FAAH2: variants seen among roughly 807,000 people sequenced by gnomAD.
FAAH2 encodes fatty acid amide hydrolase 2, also known as fatty-acid amide hydrolase 2.
A neutral mutation model predicts 36.9 loss-of-function variants in FAAH2; 60 were observed. The ratio of observed to expected loss-of-function variants is 1.63; its 90% CI spans 1.32 to 2.02. The LOEUF (loss-of-function observed/expected upper bound fraction) is 2.02, where lower values mean the gene tolerates loss of function less well. Among genes scored for constraint, FAAH2 ranks in the 30% most tolerant of loss-of-function variants. The pLI is 0.00. For missense variants in FAAH2, 689 were observed against 397.5 expected, an observed-to-expected ratio of 1.73 and a Z score of -6.23; for synonymous variants, 214 against 143.8, an observed-to-expected ratio of 1.49 and a Z score of -3.49.
chrX:57,424,137 G>C (rs140830285), intron 7 of FAAH2, among the ~76,000 whole-genome samples: 1 of 111,935 alleles, frequency 8.9e-6, no homozygotes, highest in Non-Finnish European at 1.9e-5. Context: ...ACCACACTGA[G>C]GCTATTTATG....
At chrX:57,225,564 G>A in the FAAH2 span, among the ~76,000 whole-genome samples, 1 of 111,511 alleles carries the variant, frequency 9.0e-6, no homozygotes, top group Non-Finnish European at 1.9e-5. Context: ...CCTATCATAT[G>A]GTCTATCTTG....
chrX:57,393,468 C>T, intron 7 of FAAH2: 1 of 930,742 alleles, frequency 1.1e-6, no homozygotes, highest in South Asian at 2.0e-5. Context: ...CCTTCTGGGC[C>T]AACAAGCTAG....
chrX:57,290,903 A>G (rs890890247), intron 1 of FAAH2, among the ~76,000 whole-genome samples: 1 of 111,848 alleles, frequency 8.9e-6, no homozygotes, highest in Non-Finnish European at 1.9e-5. Flanking sequence ...CATTGGTTAT[A>G]TGGAAGAATG....
At chrX:57,428,886 G>A (rs1455686866) in intron 7 of FAAH2, among the ~76,000 whole-genome samples, 2 of 111,372 alleles carry the variant, frequency 1.8e-5, no homozygotes, top group African/African-American at 3.3e-5. Context: ...TAGACAAATG[G>A]GACTTAAACT....
At chrX:57,202,677 G>A in the FAAH2 span, among the ~76,000 whole-genome samples, 1 of 111,769 alleles carries the variant, frequency 8.9e-6, no homozygotes, top group African/African-American at 3.3e-5. Flanking sequence ...AGGCTCTACA[G>A]TCATCAGGTG....
chrX:57,437,995 A>G (rs907109393), intron 8 of FAAH2, among the ~76,000 whole-genome samples: 2 of 104,496 alleles, frequency 1.9e-5, no homozygotes, highest in Admixed American at 1.1e-4. Context: ...GTACATATAT[A>G]CATACGTATA....
the FAAH2 span, among the ~76,000 whole-genome samples, chrX:57,253,562 G>A: frequency 8.9e-6 from 1 of 111,952 alleles, no homozygotes; most frequent in Non-Finnish European, 1.9e-5. Flanking sequence ...CAAACGAACA[G>A]TGGATCTCTT....
chrX:57,382,246 TAA>T (rs1453769560), intron 7 of FAAH2, among the ~76,000 whole-genome samples: 2 of 111,448 alleles, frequency 1.8e-5, no homozygotes, highest in Non-Finnish European at 3.8e-5. Flanking sequence ...ATTGGCACTC[TAA>T]CATCACAATT....
At position 57,431,771 on chromosome X, in the gene FAAH2, G is replaced by GTTTTTTT. The variant is rs1218617071; in HGVS notation, c.997-146_997-140dup. 5 of 202,027 alleles carry GTTTTTTT rather than the reference G, an allele frequency of 2.5e-5. No individual in the cohort carries two copies. The African/African-American group carries it at 2.5e-4, about 10-fold the overall frequency. The allele number at this position is 202,027 out of a possible 1,213,427, so 16.6% of individuals were successfully genotyped here. Reference sequence around the variant, plus strand: ...TGTTTTGTTTTGTTTTTGTTTTTTTGTTTTTTTGTTTTTTTGTTTTTTTTG... The same window carrying GTTTTTTT: ...TGTTTTGTTTTGTTTTTGTTTTTTTGTTTTTTTTTTTTTTGTTTTTTTGTTTTTTTTG... On this transcript the variant is annotated intron_variant, in intron 7 of 10. Transcript: ENST00000374900.
chrX:57,337,917 GA>G (rs2053594334), intron 4 of FAAH2, among the ~76,000 whole-genome samples: 1 of 111,664 alleles, frequency 9.0e-6, no homozygotes, highest in African/African-American at 3.3e-5. Context: ...AATTAGGCAA[GA>G]AAAAGAAATA....
At chrX:57,213,745 C>T in the FAAH2 span, among the ~76,000 whole-genome samples, 1 of 111,765 alleles carries the variant, frequency 8.9e-6, no homozygotes, top group African/African-American at 3.2e-5. Context: ...TGTGTGACAA[C>T]ATATAGCCTA....
intron 7 of FAAH2, among the ~76,000 whole-genome samples, chrX:57,383,898 G>A (rs2054930931): frequency 1.8e-5 from 2 of 111,626 alleles, no homozygotes; most frequent in South Asian, 7.6e-4. Context: ...AAAGCTGGAG[G>A]CATCATGCTA....
chrX:57,256,280 A>G, the FAAH2 span, among the ~76,000 whole-genome samples: 1 of 111,912 alleles, frequency 8.9e-6, no homozygotes, highest in East Asian at 2.8e-4. Flanking sequence ...GAGGACACAA[A>G]CAAATGGGGA....
the FAAH2 span, among the ~76,000 whole-genome samples, chrX:57,122,535 A>C: frequency 8.9e-6 from 1 of 112,379 alleles, no homozygotes; most frequent in African/African-American, 3.2e-5. Flanking sequence ...CAGTGGAGAA[A>C]CGTTGGGTAT....
chrX:57,223,203 G>A, the FAAH2 span, among the ~76,000 whole-genome samples: 73 of 111,494 alleles, frequency 6.5e-4, no homozygotes, highest in Middle Eastern at 4.7e-3. Context: ...TTTATTGCAG[G>A]GGCCACCAAA....
chrX:57,321,951 A>T (rs1384148736), intron 3 of FAAH2, among the ~76,000 whole-genome samples: 1 of 111,722 alleles, frequency 9.0e-6, no homozygotes, highest in Non-Finnish European at 1.9e-5. Context: ...GTGGCAACAA[A>T]TTTGCTTAGC....
chrX:57,262,410 A>G, the FAAH2 span, among the ~76,000 whole-genome samples: 2 of 112,038 alleles, frequency 1.8e-5, no homozygotes, highest in Non-Finnish European at 3.8e-5. Flanking sequence ...GAAGGTAAAG[A>G]CATTCACCCA....
intron 2 of FAAH2, among the ~76,000 whole-genome samples, chrX:57,295,712 G>C (rs1052304193): frequency 2.8e-4 from 31 of 112,204 alleles, no homozygotes; most frequent in Non-Finnish European, 2.4e-4. Flanking sequence ...CCTAGTCAAA[G>C]AAAGGGGTGA....
At chrX:57,322,280 G>A (rs1180036113) in intron 3 of FAAH2, among the ~76,000 whole-genome samples, 4 of 111,624 alleles carry the variant, frequency 3.6e-5, no homozygotes, top group African/African-American at 1.3e-4. Flanking sequence ...GTGAGCCACC[G>A]CACCCGGCCT....
Sources: allele counts gnomAD v4.1 joint callset (sites outside exome capture counted in the v4.1 genomes callset), GRCh38; gene constraint gnomAD v4.1.1; transcripts MANE v1.5; gene names NCBI Gene and HGNC (gene_info 2026-07-23, HGNC 2026-07-21).